Variants in SUGCT observed in about 807,000 individuals in gnomAD.
SUGCT encodes succinyl-CoA:glutarate CoA-transferase.
A neutral mutation model predicts 55.0 loss-of-function variants in SUGCT; 41 were observed. The ratio of observed to expected loss-of-function variants is 0.74; its 90% CI spans 0.58 to 0.97. The LOEUF (loss-of-function observed/expected upper bound fraction) is 0.97, where lower values mean the gene tolerates loss of function less well. SUGCT is among the 50% of genes least tolerant of loss of function. SUGCT has a pLI of 0.00. For synonymous variants in SUGCT, 187 were observed against 200.4 expected, an observed-to-expected ratio of 0.93 and a Z score of 0.56; for missense variants, 568 against 547.8, an observed-to-expected ratio of 1.04 and a Z score of -0.37.
chr7:40,819,431 T>C (rs1407852771), intron 13 of SUGCT, among the ~76,000 whole-genome samples: 1 of 152,108 alleles, frequency 6.6e-6, no homozygotes, highest in Non-Finnish European at 1.5e-5. Flanking sequence ...TGTTTCCTGA[T>C]TTTTTAATGA....
chr7:40,300,457 C>T (rs6972084), intron 8 of SUGCT, among the ~76,000 whole-genome samples: 2,785 of 152,270 alleles, frequency 0.018, 81 homozygotes, highest in African/African-American at 0.063. Flanking sequence ...GCTAAGATAA[C>T]GATCATTGTT....
Position 40,198,213 on chromosome 7 carries a change from T to G in SUGCT, c.484+3153T>G, listed in dbSNP as rs189994169. Among the ~76,000 whole-genome samples the G allele has an allele frequency of 9.6e-3, 1,457 of 152,348 alleles. 22 individuals carry two copies. The highest frequency in any genetic ancestry group is 0.012 in the Non-Finnish European group (824 of 68,034). ...CATCTATATACTCCGTTCTCCTTTA[T>G]TTCCTGATAATGAAACAGATCCAGA... On this transcript the variant is annotated intron_variant, in intron 6 of 13. Coordinates refer to ENST00000335693, the MANE Select transcript of SUGCT (RefSeq NM_001193313.2).
chr7:40,854,415 CTTTCCTT>C (rs1280743830), intron 13 of SUGCT, among the ~76,000 whole-genome samples: 11 of 67,360 alleles, frequency 1.6e-4, no homozygotes, highest in Admixed American at 8.7e-4. Context: ...TTCTTTCTTT[CTTTCCTT>C]TCTTTCTTTC....
At chr7:40,486,196 A>T (rs530677655) in intron 11 of SUGCT, among the ~76,000 whole-genome samples, 2 of 152,280 alleles carry the variant, frequency 1.3e-5, no homozygotes, top group Admixed American at 1.3e-4. Context: ...TTATAATTCA[A>T]TTATGGTAGG....
intron 12 of SUGCT, among the ~76,000 whole-genome samples, chr7:40,633,052 A>G (rs1799862312): frequency 6.6e-6 from 1 of 152,216 alleles, no homozygotes; most frequent in Admixed American, 6.5e-5. Context: ...CCCTAGGAGG[A>G]TAGCTTCAAA....
At chr7:40,938,932 T>G in the SUGCT span, among the ~76,000 whole-genome samples, 5 of 152,188 alleles carry the variant, frequency 3.3e-5, no homozygotes, top group African/African-American at 1.2e-4. Context: ...GATGGGCACT[T>G]ACGTTGGATC....
At chr7:40,580,599 G>C (rs1329265167) in intron 12 of SUGCT, among the ~76,000 whole-genome samples, 2 of 152,158 alleles carry the variant, frequency 1.3e-5, no homozygotes, top group Admixed American at 6.5e-5. Context: ...GCCTCAGTAA[G>C]AAATTAGACC....
Position 40,644,610 on chromosome 7 carries a change from C to T in SUGCT, c.1090-104824C>T, listed in dbSNP as rs117698006. ...TGAGCAGTCGGCTCACCCACAGGCA[C>T]TCTCTGCTCAGGGATGCTAAGCCCT... On this transcript the variant is annotated intron_variant, in intron 12 of 13. Coordinates refer to ENST00000335693, the MANE Select transcript of SUGCT (RefSeq NM_001193313.2). 7.7e-3 allele frequency among the ~76,000 whole-genome samples: 1,173 copies of T among 152,314 alleles called. 8 individuals are homozygous for T. Among genetic ancestry groups the T allele is most frequent in the South Asian group, 0.023 (113 of 4,814 alleles).
chr7:40,403,296 G>C (rs181524932), intron 9 of SUGCT, among the ~76,000 whole-genome samples: 104 of 152,290 alleles, frequency 6.8e-4, no homozygotes, highest in African/African-American at 2.3e-3. Context: ...AATAAATAGA[G>C]AGTTCCATGC....
intron 7 of SUGCT, among the ~76,000 whole-genome samples, chr7:40,249,598 A>G (rs1435376438): frequency 2.0e-5 from 3 of 151,654 alleles, no homozygotes; most frequent in Non-Finnish European, 4.4e-5. Flanking sequence ...CTTAACCATT[A>G]TAAGTATTAG....
intron 13 of SUGCT, among the ~76,000 whole-genome samples, chr7:40,823,848 A>T (rs1435892858): frequency 6.6e-6 from 1 of 152,174 alleles, no homozygotes; most frequent in South Asian, 2.1e-4. Context: ...TCCTAGTCCC[A>T]CGAAATTGTC....
the SUGCT span, among the ~76,000 whole-genome samples, chr7:40,933,865 G>A: frequency 1.4e-4 from 21 of 152,086 alleles, no homozygotes; most frequent in Admixed American, 6.6e-5. Flanking sequence ...TAGCTTCCTT[G>A]CGATGGGTTA....
At chr7:41,004,517 C>G in the SUGCT span, among the ~76,000 whole-genome samples, 1 of 152,168 alleles carries the variant, frequency 6.6e-6, no homozygotes, top group Non-Finnish European at 1.5e-5. Context: ...ATTGTTGCAG[C>G]CAAGAGGCCA....
intron 6 of SUGCT, among the ~76,000 whole-genome samples, chr7:40,208,239 TGAA>T (rs1787110013): frequency 6.6e-6 from 1 of 152,176 alleles, no homozygotes; most frequent in Non-Finnish European, 1.5e-5. Context: ...TTTTCCAAGA[TGAA>T]GAAGTTCTGG....
chr7:40,286,944 G>A lies in SUGCT; in HGVS notation c.720+12288G>A, dbSNP rs182129556. Among the ~76,000 whole-genome samples the A allele has an allele frequency of 1.5e-3, 235 of 152,298 alleles. 1 individual carries two copies. The highest frequency in any genetic ancestry group is 3.5e-3 in the Admixed American group (53 of 15,292). Reference sequence around the variant, plus strand: ...TGGAATGGTAGTAGAAGCAACACAAGACTGCAGACAGCTTTAATCTTTCTG... The same window carrying A: ...TGGAATGGTAGTAGAAGCAACACAAAACTGCAGACAGCTTTAATCTTTCTG... On this transcript the variant is annotated intron_variant, in intron 8 of 13. Transcript: ENST00000335693.
chr7:40,671,144 C>G (rs79334052), intron 12 of SUGCT, among the ~76,000 whole-genome samples: 1 of 152,000 alleles, frequency 6.6e-6, no homozygotes, highest in Non-Finnish European at 1.5e-5. Context: ...GTGTGAAACC[C>G]GTATATCAAT....
At chr7:40,135,502 T>G (rs925223733) in intron 1 of SUGCT, among the ~76,000 whole-genome samples, 2 of 152,250 alleles carry the variant, frequency 1.3e-5, no homozygotes, top group African/African-American at 4.8e-5. Flanking sequence ...AACTTGACAC[T>G]TCATGTACAA....
intron 1 of SUGCT, among the ~76,000 whole-genome samples, chr7:40,148,306 G>A (rs1007803580): frequency 1.3e-5 from 2 of 152,144 alleles, no homozygotes; most frequent in African/African-American, 4.8e-5. Context: ...TCTAACACAG[G>A]CAATTATGTT....
At chr7:41,015,239 G>A in the SUGCT span, among the ~76,000 whole-genome samples, 18 of 152,106 alleles carry the variant, frequency 1.2e-4, no homozygotes, top group Admixed American at 1.2e-3. Context: ...GAGTGAATGG[G>A]GACACTTGGT....
Sources: gnomAD v4.1 joint callset for allele counts (sites outside exome capture counted in the v4.1 genomes callset) on GRCh38, gnomAD v4.1.1 for gene constraint, MANE v1.5 for transcripts, NCBI Gene and HGNC (gene_info 2026-07-23, HGNC 2026-07-21) for gene names.